The following YAF2 variants were observed in gnomAD, a reference collection of about 807,000 sequenced individuals.
YAF2 encodes the protein YY1-associated factor 2.
A neutral mutation model predicts 20.1 loss-of-function variants in YAF2; 7 were observed. That is an observed-to-expected ratio of 0.35 (90% CI 0.20 to 0.65). The LOEUF is 0.65. YAF2 is among the 30% of genes least tolerant of loss of function. YAF2 has a pLI of 0.69. For missense variants in YAF2, 151 were observed against 219.2 expected, an observed-to-expected ratio of 0.69 and a Z score of 1.96; for synonymous variants, 74 against 76.0, an observed-to-expected ratio of 0.97 and a Z score of 0.14.
chr12:42,230,379 T>A (rs1431971318), intron 2 of YAF2, among the ~76,000 whole-genome samples: 3 of 152,132 alleles, frequency 2.0e-5, no homozygotes, highest in Non-Finnish European at 4.4e-5. Context: ...CAGCAGGAAA[T>A]GAAGCTAGGA....
intron 2 of YAF2, among the ~76,000 whole-genome samples, chr12:42,183,482 G>C (rs2066396613): frequency 6.6e-6 from 1 of 152,182 alleles, no homozygotes; most frequent in Non-Finnish European, 1.5e-5. Context: ...ACACACAAAT[G>C]ATAAGGAAGC....
At chr12:42,236,679 T>C (rs1382135715) in intron 2 of YAF2, among the ~76,000 whole-genome samples, 1 of 152,240 alleles carries the variant, frequency 6.6e-6, no homozygotes, top group Non-Finnish European at 1.5e-5. Flanking sequence ...GTAAGATTAG[T>C]ATGCTTATTG....
chr12:42,169,588 AT>A (rs2065994035), intron 2 of YAF2, among the ~76,000 whole-genome samples: 1 of 151,446 alleles, frequency 6.6e-6, no homozygotes, highest in South Asian at 2.1e-4. Flanking sequence ...TAATTTTTGT[AT>A]TTTTTGTAGA....
intron 2 of YAF2, among the ~76,000 whole-genome samples, chr12:42,236,663 G>C (rs1303655316): frequency 1.3e-5 from 2 of 152,072 alleles, no homozygotes; most frequent in Non-Finnish European, 2.9e-5. Context: ...CTTTTTTAAA[G>C]CAACAGTAAG....
At chr12:42,228,388 C>G (rs1369650074) in intron 2 of YAF2, among the ~76,000 whole-genome samples, 2 of 62,042 alleles carry the variant, frequency 3.2e-5, no homozygotes, top group Non-Finnish European at 5.9e-5. Context: ...AGTGAGGAGC[C>G]TCTCTGCCCG....
At chr12:42,236,016 G>A in intron 2 of YAF2, 2 of 1,535,580 alleles carry the variant, frequency 1.3e-6, no homozygotes, top group Non-Finnish European at 1.7e-6. Context: ...AAACATATAG[G>A]CTCTTCTAGT....
intron 2 of YAF2, among the ~76,000 whole-genome samples, chr12:42,174,151 G>A (rs894432299): frequency 6.7e-6 from 1 of 149,446 alleles, no homozygotes; most frequent in Non-Finnish European, 1.5e-5. Flanking sequence ...TCTAGCCACT[G>A]CCCCATTTGT....
intron 2 of YAF2, among the ~76,000 whole-genome samples, chr12:42,223,576 A>G (rs779550613): frequency 6.6e-6 from 1 of 152,070 alleles, no homozygotes; most frequent in East Asian, 1.9e-4. Context: ...TGCCCAGGCT[A>G]GTCTTGAACC....
intron 2 of YAF2, among the ~76,000 whole-genome samples, chr12:42,164,455 A>G (rs954358429): frequency 2.6e-5 from 4 of 152,180 alleles, no homozygotes; most frequent in African/African-American, 9.7e-5. Flanking sequence ...CATGTGCTAA[A>G]TATTAGAGGA....
chr12:42,231,752 G>T (rs534715942), intron 2 of YAF2: 2 of 152,266 alleles, frequency 1.3e-5, no homozygotes, highest in East Asian at 3.9e-4. Flanking sequence ...AATCTTCTCA[G>T]AAAAGTCTTT....
chr12:42,189,603 G>A (rs1220429744), intron 2 of YAF2, among the ~76,000 whole-genome samples: 2 of 152,068 alleles, frequency 1.3e-5, no homozygotes, highest in African/African-American at 4.8e-5. Context: ...ACTGTGCATA[G>A]GTACACACAC....
At chr12:42,206,172 C>T (rs1301772457) in intron 2 of YAF2, among the ~76,000 whole-genome samples, 1 of 151,550 alleles carries the variant, frequency 6.6e-6, no homozygotes, top group African/African-American at 2.4e-5. Context: ...TTCTATTTTA[C>T]CCATTTATTG....
rs575957580 is a variant in YAF2, at chr12:42,204,160, T to C, written c.152+33439A>G. Among the ~76,000 whole-genome samples the C allele has an allele frequency of 9.8e-5, 15 of 152,302 alleles. No individual in the cohort carries two copies. In the South Asian group the frequency reaches 1.4e-3, roughly 15 times the overall value. On this transcript the variant is annotated intron_variant, in intron 2 of 3. Transcript: ENST00000534854. ...ATAATTAAAAAGATAATGAAAAGCA[T>C]TGGTGACATTACAGAAAAGTGTGAA...
At position 42,160,500 on chromosome 12, in the gene YAF2, ATC is replaced by A. The variant is rs1353546970; in HGVS notation, c.*87_*88del. On this transcript the variant is annotated 3_prime_UTR_variant, in exon 4 of 4. Coordinates refer to ENST00000534854, the MANE Select transcript of YAF2 (RefSeq NM_005748.6). ...CAAATTATGGATTGTGCATGAATGT[ATC>A]TGTCATGAAAATGTGGTACCTCTTG... The A allele has an allele frequency of 2.1e-6, 2 of 939,758 alleles. No homozygotes were observed. Among genetic ancestry groups the A allele is most frequent in the African/African-American group, 1.7e-5 (1 of 60,418 alleles). The allele number at this position is 939,758 out of a possible 1,614,324, so 58.2% of individuals were successfully genotyped here.
chr12:42,235,984 C>T (rs1430759028), intron 2 of YAF2: 5 of 1,535,990 alleles, frequency 3.3e-6, no homozygotes, highest in Middle Eastern at 1.7e-4. Context: ...AGCTTCCCCC[C>T]TTCCTTGCTG....
Position 42,159,233 on chromosome 12 carries a change from C to A in YAF2, c.*1356G>T, listed in dbSNP as rs1265415274. 1 of 152,052 alleles carries A rather than the reference C, an allele frequency of 6.6e-6. No homozygotes were observed. The highest frequency in any genetic ancestry group is 2.1e-4 in the South Asian group (1 of 4,834). 9.4% of individuals were successfully genotyped at this position (152,052 alleles called of 1,614,324 possible). On this transcript the variant is annotated 3_prime_UTR_variant, in exon 4 of 4. Transcript: ENST00000534854. The stretch of plus-strand genomic sequence containing the variant: ...GTTTTATTTTTTCTTCAAATGTTAT[C>A]ATGATGTCTTATGTGATATTTTGCA...
chr12:42,198,266 G>T, intron 2 of YAF2, among the ~76,000 whole-genome samples: 1 of 152,106 alleles, frequency 6.6e-6, no homozygotes, highest in East Asian at 1.9e-4. Context: ...CTTTTTATCA[G>T]AGCTGATATT....
intron 2 of YAF2, chr12:42,235,244 G>C (rs528038980): frequency 9.5e-4 from 950 of 996,502 alleles, no homozygotes; most frequent in Non-Finnish European, 1.0e-3. Context: ...TTTAGTACTT[G>C]CCAACCTTAC....
At chr12:42,230,211 C>A (rs1227936415) in intron 2 of YAF2, among the ~76,000 whole-genome samples, 5 of 151,942 alleles carry the variant, frequency 3.3e-5, no homozygotes, top group African/African-American at 4.8e-5. Flanking sequence ...GAGCCAAGAT[C>A]GCGCTACTGC....
Sources: gnomAD v4.1 joint callset for allele counts (sites outside exome capture counted in the v4.1 genomes callset) on GRCh38, gnomAD v4.1.1 for gene constraint, MANE v1.5 for transcripts, NCBI Gene and HGNC (gene_info 2026-07-23, HGNC 2026-07-21) for gene names.